CUBN: variants seen among roughly 807,000 people sequenced by gnomAD.
CUBN encodes the protein cubilin.
CUBN carries 282 observed loss-of-function variants against 405.3 expected under a neutral mutation model. The observed-to-expected ratio is 0.70, with a 90% confidence interval of 0.63 to 0.77. The LOEUF is 0.77. Ranked by LOEUF, CUBN falls within the 30% of genes least tolerant of loss-of-function variation. CUBN has a pLI of 0.00. For synonymous variants in CUBN, 1,684 were observed against 1,617.0 expected, an observed-to-expected ratio of 1.04 and a Z score of -0.99; for missense variants, 4,514 against 4,475.2, an observed-to-expected ratio of 1.01 and a Z score of -0.25.
chr10:17,100,949 G>C (rs772241862), intron 13 of CUBN, among the ~76,000 whole-genome samples: 17 of 152,174 alleles, frequency 1.1e-4, no homozygotes, highest in Non-Finnish European at 2.5e-4. Flanking sequence ...GAATGGATTA[G>C]AATACAGACT....
chr10:16,901,918 T>TATATATATATAC (rs1236540013), intron 51 of CUBN, among the ~76,000 whole-genome samples: 47 of 109,896 alleles, frequency 4.3e-4, no homozygotes, highest in Non-Finnish European at 6.9e-4. Context: ...TATATATATA[T>TATATATATATAC]ACACACACAC....
At chr10:17,011,965 CT>C (rs1834198521) in intron 28 of CUBN, among the ~76,000 whole-genome samples, 1 of 152,166 alleles carries the variant, frequency 6.6e-6, no homozygotes, top group Admixed American at 6.5e-5. Context: ...CCAACTGCTG[CT>C]GGGAATTGGG....
chr10:16,932,523 C>T (rs1842390170), intron 40 of CUBN, among the ~76,000 whole-genome samples: 1 of 152,126 alleles, frequency 6.6e-6, no homozygotes, highest in South Asian at 2.1e-4. Flanking sequence ...ACAATATCAC[C>T]CCTTAACTCT....
Position 17,114,138 on chromosome 10 carries a change from G to C in CUBN, c.772C>G (p.Pro258Ala). The change falls in exon 8 of 67, where the codon CCT becomes GCT. Residue 258 changes from proline (P) to alanine (A), a missense_variant. Around this residue, in one of 5 missense-constraint regions of CUBN, gnomAD observed 1,448 missense variants for 1,388.0 expected, o/e 1.04. Transcript: ENST00000377833. ...TCGTCTCTGTCCAGCGTGCAGGCAG[G>C]GCTGTTGGGTGAAAACATCCACCCA... ...DAGWMFSPNS[P>A]ACTLDRDECS... The C allele has an allele frequency of 1.2e-5, 19 of 1,613,746 alleles. No homozygotes were observed. The highest frequency in any genetic ancestry group is 1.6e-5 in the Non-Finnish European group (19 of 1,179,888).
chr10:17,006,577 C>T (rs1363122091), intron 28 of CUBN, among the ~76,000 whole-genome samples: 1 of 152,136 alleles, frequency 6.6e-6, no homozygotes, highest in Non-Finnish European at 1.5e-5. Context: ...AAAGACCACT[C>T]GAGAGAAAGA....
At chr10:16,854,872 T>C (rs1475058512) in intron 59 of CUBN, among the ~76,000 whole-genome samples, 2 of 152,110 alleles carry the variant, frequency 1.3e-5, no homozygotes, top group East Asian at 1.9e-4. Context: ...GTGTTTGCCA[T>C]GGATTGAGTG....
chr10:16,959,176 C>T (rs1311332976), intron 31 of CUBN, among the ~76,000 whole-genome samples: 2 of 152,196 alleles, frequency 1.3e-5, no homozygotes, highest in South Asian at 2.1e-4. Context: ...TTGGAGGGGA[C>T]ACATTCAAAC....
At chr10:16,858,096 T>A (rs1839912211) in intron 59 of CUBN, among the ~76,000 whole-genome samples, 1 of 152,134 alleles carries the variant, frequency 6.6e-6, no homozygotes, top group Non-Finnish European at 1.5e-5. Context: ...GGTATATACT[T>A]AATGAAGCAG....
At chr10:17,110,089 T>G (rs1836735074) in intron 9 of CUBN, among the ~76,000 whole-genome samples, 2 of 152,212 alleles carry the variant, frequency 1.3e-5, no homozygotes, top group South Asian at 4.1e-4. Flanking sequence ...AGTACTGTAG[T>G]TCCATGTTAT....
At chr10:17,110,619 C>T (rs1836750882) in intron 9 of CUBN, among the ~76,000 whole-genome samples, 1 of 152,094 alleles carries the variant, frequency 6.6e-6, no homozygotes, top group Admixed American at 6.5e-5. Context: ...TCTCCGCTTC[C>T]CAGGTTCAAG....
chr10:17,091,395 TA>T (rs879671432), intron 14 of CUBN, among the ~76,000 whole-genome samples: 948 of 45,330 alleles, frequency 0.021, 6 homozygotes, highest in African/African-American at 0.092. Context: ...TTAATTTGAA[TA>T]CTTTTTAAAA....
At chr10:16,889,027 T>C (rs1297991961) in intron 55 of CUBN, among the ~76,000 whole-genome samples, 1 of 152,226 alleles carries the variant, frequency 6.6e-6, no homozygotes, top group Non-Finnish European at 1.5e-5. Flanking sequence ...TGGTTGCTTT[T>C]TAAAACTAGC....
At chr10:16,876,265 C>T (rs916715412) in intron 57 of CUBN, among the ~76,000 whole-genome samples, 1 of 152,138 alleles carries the variant, frequency 6.6e-6, no homozygotes, top group Non-Finnish European at 1.5e-5. Flanking sequence ...GCAAACTAAC[C>T]AGGCAGGAGG....
chr10:17,028,720 C>CA (rs563255831), intron 27 of CUBN, among the ~76,000 whole-genome samples: 48 of 109,062 alleles, frequency 4.4e-4, no homozygotes, highest in Middle Eastern at 6.1e-3. Context: ...GACTCTGTCT[C>CA]AAAAAAAAAA....
chr10:16,884,184 G>A (rs537071395), intron 56 of CUBN, among the ~76,000 whole-genome samples: 7 of 152,154 alleles, frequency 4.6e-5, no homozygotes, highest in South Asian at 4.1e-4. Flanking sequence ...AGGTTTCACC[G>A]TGTTAGCCAG....
chr10:16,975,521 C>T (rs1833064529), intron 31 of CUBN, among the ~76,000 whole-genome samples: 1 of 152,090 alleles, frequency 6.6e-6, no homozygotes, highest in Non-Finnish European at 1.5e-5. Context: ...GAAAAGAACA[C>T]CATGCAGACG....
chr10:17,094,970 A>G (rs1588638463), intron 14 of CUBN, among the ~76,000 whole-genome samples: 1 of 152,062 alleles, frequency 6.6e-6, no homozygotes, highest in Admixed American at 6.6e-5. Flanking sequence ...TTAAAAATAC[A>G]TTTAAAATAA....
At chr10:17,028,650 G>T (rs1021108164) in intron 27 of CUBN, among the ~76,000 whole-genome samples, 2 of 151,810 alleles carry the variant, frequency 1.3e-5, no homozygotes, top group Non-Finnish European at 2.9e-5. Context: ...GAATCTGGGA[G>T]GCGGAGGTTG....
chr10:16,965,542 G>A (rs961469008), intron 31 of CUBN: 1 of 145,456 alleles, frequency 6.9e-6, no homozygotes, highest in Non-Finnish European at 1.5e-5. Context: ...GAAATGAATT[G>A]TAGCTTCCTC....
Sources: allele counts gnomAD v4.1 joint callset (sites outside exome capture counted in the v4.1 genomes callset), GRCh38; gene constraint gnomAD v4.1.1; regional missense constraint gnomAD v4.1.1; transcripts MANE v1.5; gene names NCBI Gene and HGNC (gene_info 2026-07-23, HGNC 2026-07-21).